Variants in LRRC37A2 observed in about 807,000 individuals in gnomAD.
The protein encoded by LRRC37A2 is leucine-rich repeat-containing protein 37A2.
LRRC37A2 carries 9 observed loss-of-function variants against 68.8 expected under a neutral mutation model. That is an observed-to-expected ratio of 0.13 (90% confidence interval 0.08 to 0.23). LRRC37A2 has a LOEUF of 0.23. Among genes scored for constraint, LRRC37A2 ranks in the 10% least tolerant of loss-of-function variants. LRRC37A2 has a pLI of 1.00. For synonymous variants in LRRC37A2, 63 were observed against 367.6 expected, an observed-to-expected ratio of 0.17 and a Z score of 9.48; for missense variants, 168 against 950.4, an observed-to-expected ratio of 0.18 and a Z score of 10.82.
the LRRC37A2 span, among the ~76,000 whole-genome samples, chr17:46,942,361 CTTAT>C: frequency 6.6e-6 from 1 of 152,236 alleles, no homozygotes; most frequent in Non-Finnish European, 1.5e-5. Flanking sequence ...AACCCTCTCA[CTTAT>C]GTTCTCCATC....
chr17:46,795,221 G>T, the LRRC37A2 span, among the ~76,000 whole-genome samples: 1 of 152,048 alleles, frequency 6.6e-6, no homozygotes, highest in Admixed American at 6.6e-5. Context: ...AACACCCTCT[G>T]GAATGTGCAT....
At chr17:46,770,762 C>T in the LRRC37A2 span, among the ~76,000 whole-genome samples, 11 of 152,186 alleles carry the variant, frequency 7.2e-5, no homozygotes, top group African/African-American at 2.7e-4. Context: ...CAGGGTCCAG[C>T]GCAGGGAAAG....
At chr17:46,900,202 T>TATATATACATACATATATATATACACAC in the LRRC37A2 span, among the ~76,000 whole-genome samples, 1 of 101,172 alleles carries the variant, frequency 9.9e-6, no homozygotes, top group African/African-American at 5.1e-5. Context: ...TATATATATA[T>TATATATACATACATATATATATACACAC]ACACACACAC....
the LRRC37A2 span, among the ~76,000 whole-genome samples, chr17:47,006,409 C>T: frequency 5.3e-5 from 8 of 151,868 alleles, no homozygotes; most frequent in Non-Finnish European, 1.0e-4. Flanking sequence ...GTCAGGAGTT[C>T]GAGACCAGCC....
At chr17:46,911,996 CCCT>C in the LRRC37A2 span, among the ~76,000 whole-genome samples, 2 of 152,224 alleles carry the variant, frequency 1.3e-5, no homozygotes, top group Non-Finnish European at 1.5e-5. Flanking sequence ...CTCAGCCAGC[CCCT>C]CAAGTCTACA....
At chr17:46,997,010 G>A in the LRRC37A2 span, among the ~76,000 whole-genome samples, 4 of 152,158 alleles carry the variant, frequency 2.6e-5, no homozygotes, top group African/African-American at 9.7e-5. Flanking sequence ...TTTCTCTTTA[G>A]AAGTAATCCA....
At chr17:46,545,742 ATTG>A (rs1295189961) in intron 8 of LRRC37A2, among the ~76,000 whole-genome samples, 5 of 137,768 alleles carry the variant, frequency 3.6e-5, no homozygotes, top group East Asian at 2.1e-4. Flanking sequence ...GTGGTAACTT[ATTG>A]TTGTTATTCT....
At chr17:46,905,779 T>TG in the LRRC37A2 span, among the ~76,000 whole-genome samples, 54 of 119,828 alleles carry the variant, frequency 4.5e-4, no homozygotes, top group Admixed American at 1.1e-3. Flanking sequence ...ACTCTGTGTG[T>TG]TTGTGTGTGT....
chr17:46,496,637 T>C, the LRRC37A2 span, among the ~76,000 whole-genome samples: 1 of 117,698 alleles, frequency 8.5e-6, no homozygotes, highest in Non-Finnish European at 1.7e-5. Context: ...AAAACAGGCC[T>C]GGTGCAGTGG....
chr17:46,725,336 C>T, the LRRC37A2 span, among the ~76,000 whole-genome samples: 18 of 152,014 alleles, frequency 1.2e-4, no homozygotes, highest in South Asian at 4.2e-4. Flanking sequence ...TAGCTTAGGA[C>T]GAAAGGATAG....
chr17:46,902,692 C>T, the LRRC37A2 span, among the ~76,000 whole-genome samples: 3 of 152,092 alleles, frequency 2.0e-5, no homozygotes, highest in African/African-American at 7.2e-5. Flanking sequence ...GGAAGAAACA[C>T]AAAACATTTA....
the LRRC37A2 span, among the ~76,000 whole-genome samples, chr17:46,794,400 C>G: frequency 6.6e-6 from 1 of 152,190 alleles, no homozygotes; most frequent in Admixed American, 6.5e-5. Flanking sequence ...GATCCCCCGA[C>G]AGGACCTGTC....
At chr17:46,955,498 C>T in the LRRC37A2 span, 1 of 152,126 alleles carries the variant, frequency 6.6e-6, no homozygotes, top group African/African-American at 2.4e-5. Flanking sequence ...GTGTCTCTGC[C>T]AGAGCCCCCC....
At chr17:46,836,095 C>CGT in the LRRC37A2 span, among the ~76,000 whole-genome samples, 11,286 of 126,406 alleles carry the variant, frequency 0.089, 505 homozygotes, top group African/African-American at 0.12. Flanking sequence ...GAGACGCTGA[C>CGT]GTGTGTGTGT....
At chr17:46,874,589 T>A in the LRRC37A2 span, among the ~76,000 whole-genome samples, 480 of 152,238 alleles carry the variant, frequency 3.2e-3, 3 homozygotes, top group African/African-American at 0.011. Flanking sequence ...ATTAAAAAAA[T>A]TTTTTTGAGA....
At chr17:46,774,789 TACG>T in the LRRC37A2 span, among the ~76,000 whole-genome samples, 1 of 152,196 alleles carries the variant, frequency 6.6e-6, no homozygotes, top group Admixed American at 6.5e-5. Context: ...AGGTAGGAAT[TACG>T]ACTTTTCCGT....
Position 46,529,533 on chromosome 17 carries a change from C to T in LRRC37A2, c.2906+5649C>T, listed in dbSNP as rs1167486385. Among the ~76,000 whole-genome samples the T allele has an allele frequency of 5.9e-5, 6 of 101,620 alleles. 1 individual carries two copies. In the South Asian group the frequency reaches 9.6e-4, roughly 16 times the overall value. The allele number at this position is 101,620 out of a possible 152,430, so 66.7% of individuals were successfully genotyped here. A position where few individuals can be genotyped will look rare whatever the true frequency, so the allele number is the denominator to read the frequency against. ...GAATCTAAAAACACTCAAGGCTGGGCGCGCTGGCTCATGCCTGTAATCCCA... is the reference window on the plus strand; with the variant it reads ...GAATCTAAAAACACTCAAGGCTGGGTGCGCTGGCTCATGCCTGTAATCCCA... On this transcript the variant is annotated intron_variant, in intron 6 of 14. Coordinates refer to ENST00000576629, the Ensembl canonical transcript of LRRC37A2.
At chr17:46,777,952 G>A in the LRRC37A2 span, among the ~76,000 whole-genome samples, 1 of 152,202 alleles carries the variant, frequency 6.6e-6, no homozygotes. Flanking sequence ...CATGGTGCCA[G>A]GGTCCCATCC....
At chr17:46,746,323 T>G in the LRRC37A2 span, among the ~76,000 whole-genome samples, 1 of 152,238 alleles carries the variant, frequency 6.6e-6, no homozygotes, top group African/African-American at 2.4e-5. Context: ...GGGTCTCAAC[T>G]TTGTTTCTTT....
Sources: gnomAD v4.1 joint callset for allele counts (sites outside exome capture counted in the v4.1 genomes callset) on GRCh38, gnomAD v4.1.1 for gene constraint, MANE v1.5 for transcripts, NCBI Gene and HGNC (gene_info 2026-07-23, HGNC 2026-07-21) for gene names.